The following JADE1 variants were observed in gnomAD, a reference collection of about 807,000 sequenced individuals.
JADE1 encodes protein Jade-1.
In JADE1, 14 loss-of-function variants were observed where a neutral mutation model predicts 81.8. That is an observed-to-expected ratio of 0.17 (90% CI 0.11 to 0.27). The LOEUF (loss-of-function observed/expected upper bound fraction) is 0.27. Ranked by LOEUF, JADE1 falls within the 10% of genes least tolerant of loss-of-function variation. JADE1 has a pLI of 1.00. For synonymous variants in JADE1, 353 were observed against 391.9 expected, an observed-to-expected ratio of 0.90 and a Z score of 1.17; for missense variants, 690 against 1,047.9, an observed-to-expected ratio of 0.66 and a Z score of 4.71.
intron 8 of JADE1, among the ~76,000 whole-genome samples, chr4:128,858,203 A>G (rs1730961356): frequency 1.3e-5 from 2 of 152,216 alleles, no homozygotes. Context: ...GTCATGAGAT[A>G]GGGGAATTAA....
rs144966666 is a variant in JADE1, at chr4:128,823,814, A to G, written c.-26-7919A>G. 4.0e-3 allele frequency among the ~76,000 whole-genome samples: 608 copies of G among 152,340 alleles called. 3 individuals are homozygous for G. Among genetic ancestry groups the G allele is most frequent in the African/African-American group, 0.014 (563 of 41,576 alleles). On this transcript the variant is annotated intron_variant, in intron 1 of 10. Transcript: ENST00000226319. ...AGTAGCATTTTTAGATTCTGTGAGC[A>G]TATGAATTAGATAATGTTGCCAGTT... is the stretch of plus-strand genomic sequence containing the variant.
At position 128,865,170 on chromosome 4, in the gene JADE1, A is replaced by G. The variant is rs186865574; in HGVS notation, c.1504-2686A>G. On this transcript the variant is annotated intron_variant, in intron 9 of 10. Coordinates refer to ENST00000226319, the MANE Select transcript of JADE1 (RefSeq NM_199320.4). ...GTAGTGGCTACAGTGTCCCCTGAAC[A>G]AAAGGCACGTTCAACTTTAGTGCTG... 1.6e-3 allele frequency among the ~76,000 whole-genome samples: 245 copies of G among 152,346 alleles called. 2 individuals carry two copies. In the Middle Eastern group the frequency reaches 0.031, roughly 19 times the overall value.
chr4:128,817,528 G>A (rs1325814430), intron 1 of JADE1, among the ~76,000 whole-genome samples: 1 of 152,150 alleles, frequency 6.6e-6, no homozygotes, highest in East Asian at 1.9e-4. Context: ...CCAGGGTAAG[G>A]AACAAGAAAT....
chr4:128,866,311 G>A (rs1731777017), intron 9 of JADE1, among the ~76,000 whole-genome samples: 1 of 152,190 alleles, frequency 6.6e-6, no homozygotes, highest in Non-Finnish European at 1.5e-5. Context: ...AGTGACATAA[G>A]GGATTGTTAG....
intron 6 of JADE1, among the ~76,000 whole-genome samples, chr4:128,854,451 A>T (rs1730626248): frequency 6.6e-6 from 1 of 151,992 alleles, no homozygotes; most frequent in Non-Finnish European, 1.5e-5. Flanking sequence ...GTGTTTTGAA[A>T]CCTTTATAGT....
At chr4:128,865,590 T>A (rs1461795616) in intron 9 of JADE1, among the ~76,000 whole-genome samples, 1 of 152,108 alleles carries the variant, frequency 6.6e-6, no homozygotes, top group South Asian at 2.1e-4. Flanking sequence ...CGTTGTCCTA[T>A]AGGGAACTTT....
intron 1 of JADE1, among the ~76,000 whole-genome samples, chr4:128,830,234 T>A (rs1435690483): frequency 1.3e-5 from 2 of 150,670 alleles, no homozygotes; most frequent in Non-Finnish European, 3.0e-5. Context: ...TATTGTTGTG[T>A]GTATGTGTGT....
At chr4:128,862,378 G>C in intron 9 of JADE1, 153 bp downstream of exon 9, 1 of 1,448,918 alleles carries the variant, frequency 6.9e-7, no homozygotes, top group Non-Finnish European at 9.1e-7. Flanking sequence ...AATATTTATG[G>C]GCTGGTAAAC....
intron 1 of JADE1, chr4:128,816,498 G>A (rs1355277721): frequency 6.6e-6 from 1 of 152,178 alleles, no homozygotes; most frequent in East Asian, 1.9e-4. Flanking sequence ...GAATAGAATG[G>A]AAGAAATTGA....
chr4:128,874,476 A>AAAAAACAAAAC lies in JADE1; in HGVS notation c.*2231_*2241dup, dbSNP rs1279742096. The stretch of plus-strand genomic sequence containing the variant: ...AATGTTCCAAGTTATGCTGAACCAA[A>AAAAAACAAAAC]AAAAACAAAACAAAAACAAAACAAA... On this transcript the variant is annotated 3_prime_UTR_variant, in exon 11 of 11. Transcript: ENST00000226319. The AAAAAACAAAAC allele has an allele frequency of 1.4e-5, 2 of 147,892 alleles. No homozygotes were observed. The highest frequency in any genetic ancestry group is 3.0e-5 in the Non-Finnish European group (2 of 67,672). The allele number at this position is 147,892 out of a possible 1,614,324, so 9.2% of individuals were successfully genotyped here.
chr4:128,844,564 C>T lies in JADE1; in HGVS notation c.138+1526C>T, dbSNP rs185678524. On this transcript the variant is annotated intron_variant, in intron 3 of 10. Transcript: ENST00000226319. ...AAACTCCTTTGTTTTTTATTTATAT[C>T]AGTTAGTTGGAATATGTTTTTACCT... Among the ~76,000 whole-genome samples the T allele has an allele frequency of 5.9e-4, 89 of 152,000 alleles. 1 individual carries two copies. Among genetic ancestry groups the T allele is most frequent in the African/African-American group, 2.1e-3 (88 of 41,418 alleles).
chr4:128,841,692 T>C (rs1046873118), intron 2 of JADE1, among the ~76,000 whole-genome samples: 1 of 152,130 alleles, frequency 6.6e-6, no homozygotes, highest in Non-Finnish European at 1.5e-5. Flanking sequence ...AGTCTGGGAA[T>C]GTAGGTCTGG....
Position 128,845,925 on chromosome 4 carries a change from G to GA in JADE1, c.139-438dup, listed in dbSNP as rs773359190. Among the ~76,000 whole-genome samples the GA allele has an allele frequency of 6.6e-3, 928 of 141,122 alleles. 14 individuals carry two copies. The highest frequency in any genetic ancestry group is 0.021 in the African/African-American group (811 of 38,566). The allele number at this position is 141,122 out of a possible 152,430, so 92.6% of individuals were successfully genotyped here. On this transcript the variant is annotated intron_variant, in intron 3 of 10. Transcript: ENST00000226319. ...GGTGACAGAGCAAGATTCCATCTCA[G>GA]AAAAAAAAAAAAGGAGATGAGTCCC...
At position 128,872,083 on chromosome 4, in the gene JADE1, G is replaced by C. The variant is rs750185392; in HGVS notation, c.2350G>C (p.Val784Leu). The C allele has an allele frequency of 6.2e-7, 1 of 1,614,140 alleles. No homozygotes were observed. The highest frequency in any genetic ancestry group is 8.5e-7 in the Non-Finnish European group (1 of 1,180,006). ...CTACCCATATTTGGGCTTAGGCCGA[G>C]TTCCAGCCAAGGAAAGGGCAAAAAG... is the stretch of plus-strand genomic sequence containing the variant. Reference protein sequence around the residue: ...SDYPYLGLGRVPAKERAKSKL... With the variant: ...SDYPYLGLGRLPAKERAKSKL... Residue 784 changes from valine to leucine, a missense_variant, in exon 11 of 11, where the codon GTT becomes CTT. By Grantham distance (32) the Val-to-Leu change is conservative (BLOSUM62 1). Coordinates refer to ENST00000226319, the MANE Select transcript of JADE1 (RefSeq NM_199320.4).
rs1296724284 is a variant in JADE1 at position 128,873,256 on chromosome 4, G to GAAAAAAAAAAAAAAAAA, written c.*1010_*1011insAAAAAAAAAAAAAAAAA. On this transcript the variant is annotated 3_prime_UTR_variant, in exon 11 of 11. Transcript: ENST00000226319. ...CATGAATGGATTCCTTAAGAAAAAG[G>GAAAAAAAAAAAAAAAAA]AAAAAAAAAAAAAAAAGAAAAAAAG... is the stretch of plus-strand genomic sequence containing the variant. The GAAAAAAAAAAAAAAAAA allele has an allele frequency of 1.0e-4, 3 of 28,622 alleles. No individual in the cohort carries two copies. The highest frequency in any genetic ancestry group is 1.5e-4 in the Non-Finnish European group (2 of 13,462). 1.8% of individuals were successfully genotyped at this position (28,622 alleles called of 1,614,324 possible).
At chr4:128,812,371 C>T (rs995181582) in intron 1 of JADE1, among the ~76,000 whole-genome samples, 2 of 151,054 alleles carry the variant, frequency 1.3e-5, no homozygotes, top group Non-Finnish European at 3.0e-5. Context: ...CTGCGCATTC[C>T]CCGGCGGGCG....
At chr4:128,809,972 CGCGGCGGCGACGGCG>C in intron 1 of JADE1, 95 bp downstream of exon 1, 1 of 159,726 alleles carries the variant, frequency 6.3e-6, no homozygotes. Context: ...GTCCCGGTCC[CGCGGCGGCGACGGCG>C]GCGGCGGCGG....
intron 1 of JADE1, among the ~76,000 whole-genome samples, chr4:128,822,832 A>G (rs1727709437): frequency 6.6e-6 from 1 of 152,230 alleles, no homozygotes; most frequent in Non-Finnish European, 1.5e-5. Flanking sequence ...GACCACTATG[A>G]ACATTTATAT....
chr4:128,862,502 T>C (rs1292374208), intron 9 of JADE1: 20 of 1,294,888 alleles, frequency 1.5e-5, no homozygotes, highest in Non-Finnish European at 1.9e-5. Flanking sequence ...AAATGGGGTG[T>C]GTCTTCCCCA....
Sources: allele counts gnomAD v4.1 joint callset (sites outside exome capture counted in the v4.1 genomes callset), GRCh38; gene constraint gnomAD v4.1.1; transcripts MANE v1.5; gene names NCBI Gene and HGNC (gene_info 2026-07-23, HGNC 2026-07-21).